Variants in RSRP1 observed in about 807,000 individuals in gnomAD.
RSRP1 encodes the protein arginine and serine rich protein 1, also known as arginine/serine-rich protein 1.
In RSRP1, 37 loss-of-function variants were observed where a neutral mutation model predicts 33.0. The observed-to-expected ratio is 1.12, with a 90% CI of 0.86 to 1.48. The LOEUF is 1.48. Among genes scored for constraint, RSRP1 ranks in the 40% most tolerant of loss-of-function variants. RSRP1 has a pLI of 0.00. For synonymous variants in RSRP1, 167 were observed against 158.7 expected (o/e 1.05, Z -0.40); for missense variants, 402 against 385.3 (o/e 1.04, Z -0.36).
At position 25,268,376 on chromosome 1, in the gene RSRP1, C is replaced by T. The variant is rs1034103521; in HGVS notation, c.-66-21347G>A. 5.4e-5 allele frequency among the ~76,000 whole-genome samples: 7 copies of T among 130,290 alleles called. 2 individuals carry two copies. Among genetic ancestry groups the T allele is most frequent in the African/African-American group, 1.0e-4 (4 of 38,258 alleles). The allele number at this position is 130,290 out of a possible 152,430, so 85.5% of individuals were successfully genotyped here. On this transcript the variant is annotated intron_variant, in intron 1 of 1. Transcript: ENST00000561867. Reference sequence around the variant, plus strand: ...ACTACTAAAAATACAAAAATTAGCGCGGTGTGGTGGCTCATGCCTGTAGTC... The same window carrying T: ...ACTACTAAAAATACAAAAATTAGCGTGGTGTGGTGGCTCATGCCTGTAGTC...
intron 3 of RSRP1, chr1:25,244,631 A>G: frequency 1.6e-6 from 2 of 1,247,848 alleles, no homozygotes; most frequent in Non-Finnish European, 2.1e-6. Flanking sequence ...AGAAATCACC[A>G]AAGTACCAGC....
intron 1 of RSRP1, among the ~76,000 whole-genome samples, chr1:25,274,235 G>T (rs1640738247): frequency 7.6e-6 from 1 of 132,056 alleles, no homozygotes; most frequent in Non-Finnish European, 1.8e-5. Flanking sequence ...CTAGGCATAT[G>T]GATGTTGAGT....
Position 25,245,309 on chromosome 1 carries a change from A to T in RSRP1, c.521-8T>A, listed in dbSNP as rs1639272602. 1 of 1,604,234 alleles carries T rather than the reference A, an allele frequency of 6.2e-7. No individual in the cohort carries two copies. Among genetic ancestry groups the T allele is most frequent in the East Asian group, 2.2e-5 (1 of 44,850 alleles). ...CTAACAGCTCCATTCGATCTAAAAA[A>T]AAAAGAGAGAGATTTTAAAATACTC... On this transcript the variant is annotated splice_polypyrimidine_tract_variant and splice_region_variant and intron_variant, in intron 2 of 4. Coordinates refer to ENST00000243189, the MANE Select transcript of RSRP1 (RefSeq NM_020317.5).
chr1:25,319,720 C>A lies in RSRP1; in HGVS notation c.-67+18258G>T, dbSNP rs190721608. Among the ~76,000 whole-genome samples, 557 of 132,078 alleles carry A rather than the reference C, an allele frequency of 4.2e-3. 94 individuals are homozygous for A. The highest frequency in any genetic ancestry group is 0.038 in the Admixed American group (515 of 13,518). 86.6% of individuals were successfully genotyped at this position (132,078 alleles called of 152,430 possible). Reference sequence around the variant, plus strand: ...ACAAGCATTTAATTTGTTAATTGAGCCCTCTATGGGCCTGTCTGTATTTAT... The same window carrying A: ...ACAAGCATTTAATTTGTTAATTGAGACCTCTATGGGCCTGTCTGTATTTAT... On this transcript the variant is annotated intron_variant, in intron 1 of 1. Coordinates refer to the RSRP1 transcript ENST00000561867.
intron 3 of RSRP1, chr1:25,244,273 C>G (rs1290358434): frequency 2.3e-6 from 3 of 1,288,714 alleles, no homozygotes; most frequent in Non-Finnish European, 3.0e-6. Flanking sequence ...TTCACAGATG[C>G]CCCACCGTTA....
intron 1 of RSRP1, among the ~76,000 whole-genome samples, chr1:25,334,336 G>T (rs1197059699): frequency 7.6e-6 from 1 of 132,418 alleles, no homozygotes; most frequent in East Asian, 1.9e-4. Flanking sequence ...TCACATCCAG[G>T]TCACGCAGAT....
chr1:25,244,971 C>T, intron 3 of RSRP1, 179 bp downstream of exon 3: 1 of 1,474,346 alleles, frequency 6.8e-7, no homozygotes, highest in Non-Finnish European at 9.0e-7. Context: ...AAATAAAGCT[C>T]ATTAATCTCC....
chr1:25,312,767 A>C (rs929236649), intron 1 of RSRP1, among the ~76,000 whole-genome samples: 1 of 117,750 alleles, frequency 8.5e-6, no homozygotes, highest in Non-Finnish European at 2.0e-5. Flanking sequence ...AAAATTAAAT[A>C]AACTTAGCTG....
At chr1:25,322,108 C>T in intron 1 of RSRP1, 1 of 488,652 alleles carries the variant, frequency 2.0e-6, no homozygotes, top group Non-Finnish European at 4.3e-6. Flanking sequence ...AGAGGAGAAA[C>T]AAATCCATGA....
In RSRP1 at chr1:25,269,388, T is replaced by C. The variant is rs2478019; in HGVS notation, c.-66-22359A>G. Reference sequence around the variant, plus strand: ...AGTTGAAAAGCGTTAAGTCAAACCATCGTACGTCGGAGGCCATCTGTATCT... The same window carrying C: ...AGTTGAAAAGCGTTAAGTCAAACCACCGTACGTCGGAGGCCATCTGTATCT... On this transcript the variant is annotated intron_variant, in intron 1 of 1. Transcript: ENST00000561867. 2.5e-4 allele frequency among the ~76,000 whole-genome samples: 33 copies of C among 132,850 alleles called. 6 individuals carry two copies. Among genetic ancestry groups the C allele is most frequent in the Admixed American group, 5.8e-4 (8 of 13,700 alleles). 87.2% of individuals were successfully genotyped at this position (132,850 alleles called of 152,430 possible). A position where few individuals can be genotyped will look rare whatever the true frequency, so the allele number is the denominator to read the frequency against.
chr1:25,284,517 A>G, intron 1 of RSRP1: 34 of 1,334,844 alleles, frequency 2.5e-5, no homozygotes, highest in Non-Finnish European at 3.6e-5. Flanking sequence ...ATTTCATACC[A>G]CCCTAAATCT....
At chr1:25,264,315 A>C (rs2744930) in intron 1 of RSRP1, among the ~76,000 whole-genome samples, 7,061 of 151,512 alleles carry the variant, frequency 0.047, 646 homozygotes, top group African/African-American at 0.16. Flanking sequence ...CAAACTTCTG[A>C]CTGGGCATCC....
chr1:25,266,417 G>A (rs1640312585), intron 1 of RSRP1, among the ~76,000 whole-genome samples: 1 of 128,588 alleles, frequency 7.8e-6, no homozygotes. Context: ...AATTTAAAAG[G>A]TTTCATTAAG....
In RSRP1 at chr1:25,290,635, C is replaced by T. The variant is rs772391687; in HGVS notation, c.-66-43606G>A. On this transcript the variant is annotated intron_variant, in intron 1 of 1. Coordinates refer to the RSRP1 transcript ENST00000561867. ...CAGTCGTCCTGGCTCTCCCTCTCTC[C>T]CCCAGTATTCGGCTGGCCACCATGA... The T allele has an allele frequency of 2.9e-6, 4 of 1,375,854 alleles. 1 individual carries two copies. The highest frequency in any genetic ancestry group is 4.1e-6 in the Non-Finnish European group (4 of 975,968). The allele number at this position is 1,375,854 out of a possible 1,614,324, so 85.2% of individuals were successfully genotyped here. A position where few individuals can be genotyped will look rare whatever the true frequency, so the allele number is the denominator to read the frequency against.
At chr1:25,301,128 G>A (rs1359709421) in intron 1 of RSRP1, 1 of 1,367,850 alleles carries the variant, frequency 7.3e-7, no homozygotes, top group Admixed American at 1.8e-5. Flanking sequence ...TCTCCTACTT[G>A]GGCTGAGCAG....
intron 1 of RSRP1, chr1:25,253,917 AGC>A (rs1329974993): frequency 2.6e-5 from 4 of 152,358 alleles, no homozygotes; most frequent in African/African-American, 9.6e-5. Context: ...GGATTAGAGG[AGC>A]GTATCCAAAG....
At chr1:25,332,041 ATTTT>A (rs1270998323) in intron 1 of RSRP1, among the ~76,000 whole-genome samples, 1 of 94,798 alleles carries the variant, frequency 1.1e-5, no homozygotes, top group Non-Finnish European at 2.4e-5. Context: ...CGCCCAGCAG[ATTTT>A]TTTTTTTTTT....
chr1:25,306,612 T>C lies in RSRP1; in HGVS notation c.-67+31366A>G. 2 of 1,378,074 alleles carry C rather than the reference T, an allele frequency of 1.5e-6. 1 individual carries two copies. Among genetic ancestry groups the C allele is most frequent in the Non-Finnish European group, 2.0e-6 (2 of 978,652 alleles). 85.4% of individuals were successfully genotyped at this position (1,378,074 alleles called of 1,614,324 possible). Reference sequence around the variant, plus strand: ...TGTCCACAGGGGTGTTGTAACCGAGTGCTGGGGATTCCCCACAGCTCCATC... The same window carrying C: ...TGTCCACAGGGGTGTTGTAACCGAGCGCTGGGGATTCCCCACAGCTCCATC... On this transcript the variant is annotated intron_variant, in intron 1 of 1. Coordinates refer to the RSRP1 transcript ENST00000561867.
At chr1:25,258,978 T>C (rs1640038044) in intron 1 of RSRP1, among the ~76,000 whole-genome samples, 1 of 152,168 alleles carries the variant, frequency 6.6e-6, no homozygotes, top group Non-Finnish European at 1.5e-5. Flanking sequence ...TTATGCACTG[T>C]AGAATACAAC....
Sources: gnomAD v4.1 joint callset for allele counts (sites outside exome capture counted in the v4.1 genomes callset) on GRCh38, gnomAD v4.1.1 for gene constraint, MANE v1.5 for transcripts, NCBI Gene and HGNC (gene_info 2026-07-23, HGNC 2026-07-21) for gene names.